Variants in NHSL2 observed in about 807,000 individuals in gnomAD.
NHSL2 encodes the protein NHS like 2.
NHSL2 carries 27 observed loss-of-function variants against 53.4 expected under a neutral mutation model. The observed-to-expected ratio is 0.51, with a 90% CI of 0.37 to 0.70. NHSL2 has a LOEUF of 0.70. Among genes scored for constraint, NHSL2 ranks in the 30% least tolerant of loss-of-function variants. The pLI is 0.00. For missense variants in NHSL2, 892 were observed against 980.1 expected (o/e 0.91, Z 1.20); for synonymous variants, 408 against 404.1 (o/e 1.01, Z -0.12).
At chrX:72,070,767 C>A (rs984530344) in intron 1 of NHSL2, among the ~76,000 whole-genome samples, 1 of 110,314 alleles carries the variant, frequency 9.1e-6, no homozygotes, top group African/African-American at 3.3e-5. Context: ...ACACACACAC[C>A]CTTCGCATCA....
chrX:71,977,359 A>G (rs2041952834), intron 1 of NHSL2, among the ~76,000 whole-genome samples: 1 of 111,884 alleles, frequency 8.9e-6, no homozygotes, highest in Admixed American at 9.5e-5. Flanking sequence ...GTTATTTTAT[A>G]AACAGTAGCT....
chrX:71,936,313 C>T (rs946258065), intron 1 of NHSL2, among the ~76,000 whole-genome samples: 6 of 112,236 alleles, frequency 5.3e-5, no homozygotes, highest in Admixed American at 9.3e-5. Context: ...TGTCAGTCAG[C>T]CTGGGGGCCT....
In NHSL2 at chrX:72,143,331, A is replaced by G; in HGVS notation, c.3435A>G (p.Ile1145Met). ...GCAGAACGAGTTCCCACTCACCAAT[A>G]AAGAACACAGCTGAGTCTCCAATCA... is the stretch of plus-strand genomic sequence containing the variant. ...VGGRTSSHSP[I>M]KNTAESPISE... Residue 1145 changes from isoleucine to methionine, a missense_variant, in exon 8 of 8, where the codon ATA becomes ATG. By Grantham distance (10) the Ile-to-Met change is conservative. Transcript: ENST00000633930. The G allele has an allele frequency of 5.1e-6, 6 of 1,166,799 alleles. No individual in the cohort carries two copies. The highest frequency in any genetic ancestry group is 1.8e-5 in the African/African-American group (1 of 56,314).
At chrX:72,109,555 C>T (rs1206487761) in intron 1 of NHSL2, among the ~76,000 whole-genome samples, 5 of 111,970 alleles carry the variant, frequency 4.5e-5, no homozygotes, top group African/African-American at 9.8e-5. Context: ...CTGCAACCTC[C>T]GCCTCCCAGG....
rs2041885454 is a variant in NHSL2 at position 71,964,014 on chromosome X, T to TATAC, written c.280+52650_280+52651insCATA. Among the ~76,000 whole-genome samples, 25 of 11,923 alleles carry TATAC rather than the reference T, an allele frequency of 2.1e-3. 1 individual carries two copies. Among genetic ancestry groups the TATAC allele is most frequent in the Admixed American group, 0.014 (10 of 691 alleles). The allele number at this position is 11,923 out of a possible 115,157, so 10.4% of individuals were successfully genotyped here. A position where few individuals can be genotyped will look rare whatever the true frequency, so the allele number is the denominator to read the frequency against. Reference sequence around the variant, plus strand: ...ATATGTATATACATATATATATGTATATATATATATGTGTATATATATATA... The same window carrying TATAC: ...ATATGTATATACATATATATATGTATATACATATATATATGTGTATATATATATA... On this transcript the variant is annotated intron_variant, in intron 1 of 7. Coordinates refer to ENST00000633930, the MANE Select transcript of NHSL2 (RefSeq NM_001013627.3).
chrX:71,920,284 A>G (rs1189591933), intron 1 of NHSL2, among the ~76,000 whole-genome samples: 2 of 112,119 alleles, frequency 1.8e-5, no homozygotes, highest in South Asian at 3.7e-4. Flanking sequence ...GTAGACTCAT[A>G]TAGACTCTGA....
chrX:71,917,077 C>T (rs1187790006), intron 1 of NHSL2, among the ~76,000 whole-genome samples: 1 of 112,227 alleles, frequency 8.9e-6, no homozygotes, highest in Non-Finnish European at 1.9e-5. Flanking sequence ...GGATGGCAAT[C>T]TTAACAGTCA....
At chrX:72,065,595 C>T (rs985297013) in intron 1 of NHSL2, among the ~76,000 whole-genome samples, 1 of 111,339 alleles carries the variant, frequency 9.0e-6, no homozygotes, top group African/African-American at 3.3e-5. Flanking sequence ...GGATGGGAAG[C>T]ACTGTTTAGC....
intron 1 of NHSL2, among the ~76,000 whole-genome samples, chrX:72,084,433 A>T (rs1055539057): frequency 1.8e-5 from 2 of 112,070 alleles, no homozygotes; most frequent in African/African-American, 6.5e-5. Flanking sequence ...GACTGGTTGG[A>T]GGGAGAAATT....
intron 1 of NHSL2, among the ~76,000 whole-genome samples, chrX:71,934,580 C>T (rs1423776081): frequency 9.0e-6 from 1 of 111,676 alleles, no homozygotes; most frequent in African/African-American, 3.3e-5. Context: ...TAGGATCTGA[C>T]TTAACGTTTT....
rs1345461431 is a variant in NHSL2 at position 71,910,947 on chromosome X, C to G, written c.-141C>G. 1 of 409,042 alleles carries G rather than the reference C, an allele frequency of 2.4e-6. No homozygotes were observed. The highest frequency in any genetic ancestry group is 2.6e-5 in the African/African-American group (1 of 37,910). 33.7% of individuals were successfully genotyped at this position (409,042 alleles called of 1,213,427 possible). ...ACCCGCCCGTCGTCTTTGGCGCCCG[C>G]ACGCTCTCCGGCCCGCGCCCAGGGG... is the stretch of plus-strand genomic sequence containing the variant. On this transcript the variant is annotated 5_prime_UTR_variant, in exon 1 of 8. Transcript: ENST00000633930.
At chrX:72,011,009 T>C (rs998866430) in intron 1 of NHSL2, among the ~76,000 whole-genome samples, 1 of 112,508 alleles carries the variant, frequency 8.9e-6, no homozygotes, top group African/African-American at 3.2e-5. Context: ...CCAGGTTATG[T>C]AGTAAAATAG....
intron 1 of NHSL2, among the ~76,000 whole-genome samples, chrX:72,081,402 C>T (rs1602352495): frequency 1.8e-5 from 2 of 112,134 alleles, no homozygotes; most frequent in South Asian, 7.4e-4. Flanking sequence ...ACTTTTTTCA[C>T]AGAGACACAG....
chrX:71,929,647 G>A (rs992726372), intron 1 of NHSL2, among the ~76,000 whole-genome samples: 6 of 111,590 alleles, frequency 5.4e-5, no homozygotes, highest in South Asian at 7.6e-4. Flanking sequence ...TGAAGGAGGT[G>A]CTTGAGTGCC....
intron 1 of NHSL2, among the ~76,000 whole-genome samples, chrX:71,922,588 G>A (rs1488481646): frequency 8.9e-6 from 1 of 111,916 alleles, no homozygotes; most frequent in Non-Finnish European, 1.9e-5. Flanking sequence ...GAGGCGGGAG[G>A]ATCCCTTGAG....
intron 1 of NHSL2, among the ~76,000 whole-genome samples, chrX:71,993,201 C>A (rs1345566910): frequency 1.8e-5 from 2 of 112,414 alleles, no homozygotes; most frequent in Non-Finnish European, 3.8e-5. Context: ...CACACATTGA[C>A]TTGTGCCGTT....
intron 1 of NHSL2, among the ~76,000 whole-genome samples, chrX:71,948,164 C>G (rs2041801885): frequency 8.9e-6 from 1 of 112,220 alleles, no homozygotes; most frequent in African/African-American, 3.2e-5. Context: ...AGAAGAAGAA[C>G]ATGGAGTCTG....
chrX:72,107,647 G>A (rs940960220), intron 1 of NHSL2, among the ~76,000 whole-genome samples: 4 of 112,170 alleles, frequency 3.6e-5, no homozygotes, highest in African/African-American at 1.3e-4. Context: ...AGAAGACAGA[G>A]TCCCGGGGGG....
chrX:72,064,144 A>T (rs1025307222), intron 1 of NHSL2, among the ~76,000 whole-genome samples: 1 of 112,055 alleles, frequency 8.9e-6, no homozygotes, highest in Non-Finnish European at 1.9e-5. Context: ...CCTGATGTGC[A>T]GTTGGAAAGT....
Sources: gnomAD v4.1 joint callset for allele counts (sites outside exome capture counted in the v4.1 genomes callset) on GRCh38, gnomAD v4.1.1 for gene constraint, MANE v1.5 for transcripts, NCBI Gene and HGNC (gene_info 2026-07-23, HGNC 2026-07-21) for gene names.